Variants in PAK1 observed in about 807,000 individuals in gnomAD.
PAK1 encodes the protein p21 (RAC1) activated kinase 1.
In PAK1, 29 loss-of-function variants were observed where a neutral mutation model predicts 67.4. The observed-to-expected ratio is 0.43, with a 90% CI of 0.32 to 0.59. The LOEUF (loss-of-function observed/expected upper bound fraction) is 0.59, where lower values mean the gene tolerates loss of function less well. Among genes scored for constraint, PAK1 ranks in the 20% least tolerant of loss-of-function variants. The pLI is 0.07. For synonymous variants in PAK1, 223 were observed against 237.4 expected, an observed-to-expected ratio of 0.94 and a Z score of 0.56; for missense variants, 337 against 670.7, an observed-to-expected ratio of 0.50 and a Z score of 5.50.
At chr11:77,510,837 G>A in the PAK1 span, among the ~76,000 whole-genome samples, 5 of 152,112 alleles carry the variant, frequency 3.3e-5, no homozygotes, top group African/African-American at 1.2e-4. Flanking sequence ...TACTAAGGAG[G>A]GTGATTCTTT....
intron 2 of PAK1, among the ~76,000 whole-genome samples, chr11:77,381,654 T>C (rs1565642427): frequency 6.6e-6 from 1 of 152,338 alleles, no homozygotes; most frequent in African/African-American, 2.4e-5. Flanking sequence ...CTTACAATCC[T>C]ACAAGATAGA....
chr11:77,372,487 G>C (rs927531896), intron 5 of PAK1, among the ~76,000 whole-genome samples: 12 of 152,204 alleles, frequency 7.9e-5, no homozygotes, highest in African/African-American at 2.9e-4. Context: ...TGTGAATATT[G>C]TTTTTTATAA....
At chr11:77,347,614 G>A (rs17135576) in intron 9 of PAK1, among the ~76,000 whole-genome samples, 4,726 of 151,962 alleles carry the variant, frequency 0.031, 129 homozygotes, top group African/African-American at 0.077. Context: ...AGGCAGATTC[G>A]TGTCAATATT....
At position 77,353,410 on chromosome 11, in the gene PAK1, T is replaced by C. The variant is rs1209319447; in HGVS notation, c.836+126A>G. On this transcript the variant is annotated intron_variant, in intron 8 of 14. Transcript: ENST00000356341. The stretch of plus-strand genomic sequence containing the variant: ...GTCAGTCTCACATAACAACTCCAGA[T>C]GGGTGAGGGGTAAAGTGGAGAAAGA... The C allele has an allele frequency of 1.0e-5, 7 of 675,840 alleles. No individual in the cohort carries two copies. In the African/African-American group the frequency reaches 1.3e-4, roughly 12 times the overall value. 41.9% of individuals were successfully genotyped at this position (675,840 alleles called of 1,614,324 possible).
intron 1 of PAK1, among the ~76,000 whole-genome samples, chr11:77,399,216 C>T (rs1174230252): frequency 6.6e-6 from 1 of 152,132 alleles, no homozygotes; most frequent in African/African-American, 2.4e-5. Flanking sequence ...TGACCTGACC[C>T]TAGAGGCTAT....
chr11:77,439,441 G>C (rs902761310), intron 1 of PAK1, among the ~76,000 whole-genome samples: 8 of 152,282 alleles, frequency 5.3e-5, no homozygotes, highest in African/African-American at 1.9e-4. Flanking sequence ...CACCAACATG[G>C]AAGTACACAG....
intron 5 of PAK1, among the ~76,000 whole-genome samples, chr11:77,369,441 TTTC>T: frequency 7.9e-6 from 1 of 127,188 alleles, no homozygotes; most frequent in Non-Finnish European, 1.6e-5. Context: ...ACCTTATACA[TTTC>T]TTTTTTTTTT....
intron 2 of PAK1, 72 bp from the exon 3 acceptor site, chr11:77,380,066 A>G: frequency 8.7e-7 from 1 of 1,148,452 alleles, no homozygotes; most frequent in East Asian, 2.4e-5. Flanking sequence ...TTAGCTCTTT[A>G]TTGAGCTGTA....
At chr11:77,523,447 C>T in the PAK1 span, among the ~76,000 whole-genome samples, 3 of 147,894 alleles carry the variant, frequency 2.0e-5, no homozygotes, top group Admixed American at 2.0e-4. Flanking sequence ...TGAGACAAAG[C>T]CTCACTCTGT....
chr11:77,355,633 A>G, intron 7 of PAK1, 35 bp downstream of exon 7: 1 of 1,574,050 alleles, frequency 6.4e-7, no homozygotes, highest in Non-Finnish European at 8.7e-7. Context: ...CAGTCATAAA[A>G]CGAAGAAAGG....
At chr11:77,474,697 G>A (rs1958029911), upstream of PAK1, 1 of 152,222 alleles carries the variant, frequency 6.6e-6, no homozygotes, top group Non-Finnish European at 1.5e-5. Flanking sequence ...GGGGTGGGAG[G>A]AAGACAAAGA....
the PAK1 span, among the ~76,000 whole-genome samples, chr11:77,481,213 T>TTAAAGTGGAAC: frequency 6.6e-6 from 1 of 152,346 alleles, no homozygotes; most frequent in South Asian, 2.1e-4. Context: ...TTCCAGTGTC[T>TTAAAGTGGAAC]ATTAACTTAA....
At chr11:77,395,386 C>G (rs1018332862) in intron 1 of PAK1, among the ~76,000 whole-genome samples, 3 of 152,178 alleles carry the variant, frequency 2.0e-5, no homozygotes, top group Non-Finnish European at 4.4e-5. Flanking sequence ...TCATAGTGAA[C>G]TCAAATATTT....
rs1938785743 is a variant in PAK1 at position 77,323,183 on chromosome 11, AAGG to A, written c.*88_*90del. 5 of 1,583,438 alleles carry A rather than the reference AAGG, an allele frequency of 3.2e-6. No homozygotes were observed. In the East Asian group the frequency reaches 6.9e-5, roughly 22 times the overall value. ...GATCAGGAAATGGGAGAAGCAAGGCAAGGAGAAGAGGGCATCAGGAGTTGGAAT... is the reference window on the plus strand; with the variant it reads ...GATCAGGAAATGGGAGAAGCAAGGCAAGAAGAGGGCATCAGGAGTTGGAAT... On this transcript the variant is annotated 3_prime_UTR_variant, in exon 15 of 15. Coordinates refer to ENST00000356341, the MANE Select transcript of PAK1 (RefSeq NM_002576.5).
intron 1 of PAK1, among the ~76,000 whole-genome samples, chr11:77,438,057 T>C (rs2138406114): frequency 6.6e-6 from 1 of 152,148 alleles, no homozygotes; most frequent in South Asian, 2.1e-4. Context: ...CTATTTCTTT[T>C]CCAGCATCAT....
At chr11:77,443,449 C>T (rs1565707044) in intron 1 of PAK1, among the ~76,000 whole-genome samples, 1 of 152,124 alleles carries the variant, frequency 6.6e-6, no homozygotes, top group Non-Finnish European at 1.5e-5. Context: ...TCTACTACAA[C>T]CCTTATCCAA....
At chr11:77,521,425 A>G in the PAK1 span, among the ~76,000 whole-genome samples, 4 of 152,052 alleles carry the variant, frequency 2.6e-5, no homozygotes, top group Non-Finnish European at 5.9e-5. Flanking sequence ...GCTACTCGGG[A>G]GGCTGAGGCA....
intron 1 of PAK1, among the ~76,000 whole-genome samples, chr11:77,414,932 A>G (rs1246301016): frequency 2.0e-5 from 3 of 152,200 alleles, no homozygotes; most frequent in Admixed American, 2.0e-4. Flanking sequence ...TGCAAAATAC[A>G]GTGTTAAGAG....
intron 14 of PAK1, 42 bp from the exon 15 acceptor site, chr11:77,323,402 C>G (rs1327106454): frequency 8.0e-7 from 1 of 1,255,522 alleles, no homozygotes; most frequent in Non-Finnish European, 1.2e-6. Context: ...GACTATTTAA[C>G]ATTCTTCCCC....
Sources: gnomAD v4.1 joint callset for allele counts (sites outside exome capture counted in the v4.1 genomes callset) on GRCh38, gnomAD v4.1.1 for gene constraint, MANE v1.5 for transcripts, NCBI Gene and HGNC (gene_info 2026-07-23, HGNC 2026-07-21) for gene names.